Variants in ERC1 observed in about 807,000 individuals in gnomAD.
ERC1 encodes RAB6 interacting protein 2.
A neutral mutation model predicts 132.0 loss-of-function variants in ERC1; 56 were observed. The ratio of observed to expected loss-of-function variants is 0.42; its 90% CI spans 0.34 to 0.53. The LOEUF (loss-of-function observed/expected upper bound fraction) is 0.53. Ranked by LOEUF, ERC1 falls within the 20% of genes least tolerant of loss-of-function variation. The probability of loss-of-function intolerance (pLI) is 0.03; values close to 1 mark genes in which losing one functional copy is unlikely to be tolerated. For missense variants in ERC1, 1,202 were observed against 1,349.9 expected (o/e 0.89, Z 1.72); for synonymous variants, 478 against 476.1 (o/e 1.00, Z -0.05).
In ERC1 at chr12:1,224,509, A is replaced by C. The variant is rs575048366; in HGVS notation, c.2352-12260A>C. ...AATCAAAGACCAAAAACTTAAAAGAATCAAAGACCAAAAAAATGTGCCATA... is the reference window on the plus strand; with the variant it reads ...AATCAAAGACCAAAAACTTAAAAGACTCAAAGACCAAAAAAATGTGCCATA... On this transcript the variant is annotated intron_variant, in intron 12 of 18. Transcript: ENST00000360905. 2.0e-5 allele frequency among the ~76,000 whole-genome samples: 3 copies of C among 152,300 alleles called. No individual in the cohort carries two copies. The East Asian group carries it at 5.8e-4, about 29-fold the overall frequency.
chr12:1,349,083 G>C (rs987809621), intron 15 of ERC1, among the ~76,000 whole-genome samples: 1 of 152,102 alleles, frequency 6.6e-6, no homozygotes, highest in African/African-American at 2.4e-5. Flanking sequence ...TTTTGTGTCT[G>C]TTGTTGGCTA....
chr12:1,169,463 T>A (rs1184549843), intron 8 of ERC1, among the ~76,000 whole-genome samples: 1 of 152,234 alleles, frequency 6.6e-6, no homozygotes, highest in Non-Finnish European at 1.5e-5. Context: ...TGGGACTTCG[T>A]GGCAGCTGAA....
chr12:1,198,882 A>C (rs1210912503), intron 12 of ERC1, among the ~76,000 whole-genome samples: 1 of 149,738 alleles, frequency 6.7e-6, no homozygotes, highest in African/African-American at 2.6e-5. Context: ...ACCATGACAA[A>C]CCACCGTCAT....
intron 18 of ERC1, among the ~76,000 whole-genome samples, chr12:1,473,396 T>G (rs2093905259): frequency 6.6e-6 from 1 of 152,150 alleles, no homozygotes; most frequent in Non-Finnish European, 1.5e-5. Context: ...TCTTATTTAC[T>G]TTTGGTCTAA....
At chr12:1,490,050 T>G in intron 18 of ERC1, 43 bp from the exon 19 acceptor site, 1 of 1,598,880 alleles carries the variant, frequency 6.3e-7, no homozygotes, top group Non-Finnish European at 8.6e-7. Flanking sequence ...TCAGTGCAAA[T>G]GGGATTGTTG....
intron 1 of ERC1, chr12:1,027,313 G>C (rs138990266): frequency 2.0e-5 from 3 of 152,208 alleles, no homozygotes; most frequent in African/African-American, 7.2e-5. Context: ...TTTTCAGTTA[G>C]CAAGTCAGAT....
intron 17 of ERC1, among the ~76,000 whole-genome samples, chr12:1,422,157 A>G (rs564789918): frequency 6.6e-6 from 1 of 152,342 alleles, no homozygotes; most frequent in South Asian, 2.1e-4. Context: ...CAGAGGGACT[A>G]TTATCATTTT....
rs2154150242 is a variant in ERC1 at position 1,028,141 on chromosome 12, G to T, written c.238G>T (p.Val80Leu). The T allele has an allele frequency of 1.2e-6, 2 of 1,614,192 alleles. No individual in the cohort carries two copies. The highest frequency in any genetic ancestry group is 2.2e-5 in the East Asian group (1 of 44,884). The stretch of plus-strand genomic sequence containing the variant: ...TATGTATCTAAGTGACCATGAAAAT[G>T]TGGGTTCAGAAACACCTAAAAGCAC... ...GPMYLSDHEN[V>L]GSETPKSTMT... Residue 80 changes from valine (V) to leucine (L), a missense_variant, in exon 2 of 19, where the codon GTG becomes TTG. Transcript: ENST00000360905.
intron 12 of ERC1, among the ~76,000 whole-genome samples, chr12:1,229,207 A>G (rs547798549): frequency 2.6e-5 from 4 of 152,268 alleles, no homozygotes; most frequent in African/African-American, 9.6e-5. Flanking sequence ...TGGTCTGTTC[A>G]GCTATTAATA....
chr12:1,033,068 G>A (rs1018969543), intron 2 of ERC1, among the ~76,000 whole-genome samples: 2 of 146,558 alleles, frequency 1.4e-5, no homozygotes, highest in Admixed American at 6.8e-5. Context: ...CAAGAGTCTC[G>A]CTCTGTTGCT....
chr12:1,312,843 C>A (rs2081406409), intron 15 of ERC1, among the ~76,000 whole-genome samples: 1 of 151,612 alleles, frequency 6.6e-6, no homozygotes, highest in South Asian at 2.1e-4. Flanking sequence ...TTTTAAAGTC[C>A]CCTTCTGTCT....
chr12:1,057,699 G>T (rs1462442408), intron 2 of ERC1, among the ~76,000 whole-genome samples: 1 of 143,336 alleles, frequency 7.0e-6, no homozygotes, highest in Non-Finnish European at 1.5e-5. Context: ...GGGTTCAAGC[G>T]ATTCCCCTGC....
chr12:1,422,679 T>C (rs941586262), intron 17 of ERC1, among the ~76,000 whole-genome samples: 1 of 152,204 alleles, frequency 6.6e-6, no homozygotes, highest in Non-Finnish European at 1.5e-5. Context: ...GTGATCTCTT[T>C]GATTACTGAT....
At chr12:1,243,347 C>T (rs1173898043) in intron 13 of ERC1, among the ~76,000 whole-genome samples, 1 of 151,918 alleles carries the variant, frequency 6.6e-6, no homozygotes, top group Non-Finnish European at 1.5e-5. Context: ...TAGAACCAAT[C>T]CCCAGAAGAT....
At chr12:1,243,606 C>T (rs1011800336) in intron 13 of ERC1, among the ~76,000 whole-genome samples, 18 of 152,142 alleles carry the variant, frequency 1.2e-4, no homozygotes, top group African/African-American at 4.3e-4. Context: ...AAATTTGCCT[C>T]GTGTTACTTC....
intron 15 of ERC1, among the ~76,000 whole-genome samples, chr12:1,296,454 C>G (rs904332665): frequency 2.2e-5 from 3 of 134,976 alleles, no homozygotes; most frequent in Admixed American, 8.0e-5. Context: ...GCTCTTGTCC[C>G]CCAGGCTGGA....
chr12:1,056,504 G>A (rs888917708), intron 2 of ERC1, among the ~76,000 whole-genome samples: 3 of 152,128 alleles, frequency 2.0e-5, no homozygotes, highest in African/African-American at 7.2e-5. Context: ...GCTTGAGGAG[G>A]TGGTGTCATG....
chr12:1,245,762 C>T (rs193131298), intron 13 of ERC1, among the ~76,000 whole-genome samples: 131 of 152,206 alleles, frequency 8.6e-4, no homozygotes, highest in African/African-American at 3.0e-3. Context: ...TTTATCATGG[C>T]CTTAGATATG....
chr12:1,293,008 G>T (rs2079566876), intron 15 of ERC1, among the ~76,000 whole-genome samples: 1 of 151,936 alleles, frequency 6.6e-6, no homozygotes, highest in Admixed American at 6.6e-5. Flanking sequence ...AGCTGGGTGT[G>T]GTGGCGCACA....
Sources: gnomAD v4.1 joint callset for allele counts (sites outside exome capture counted in the v4.1 genomes callset) on GRCh38, gnomAD v4.1.1 for gene constraint, MANE v1.5 for transcripts, NCBI Gene and HGNC (gene_info 2026-07-23, HGNC 2026-07-21) for gene names.